The following LDHB variants were observed in gnomAD, a reference collection of about 807,000 sequenced individuals.
The protein encoded by LDHB is lactate dehydrogenase B, also known as L-lactate dehydrogenase B chain.
In LDHB, 18 loss-of-function variants were observed where a neutral mutation model predicts 33.4. The observed-to-expected ratio is 0.54, with a 90% confidence interval of 0.37 to 0.80. LDHB has a LOEUF of 0.80. Ranked by LOEUF, LDHB falls within the 30% of genes least tolerant of loss-of-function variation. LDHB has a pLI of 0.00. For synonymous variants in LDHB, 121 were observed against 140.6 expected (o/e 0.86, Z 0.98); for missense variants, 345 against 407.9 (o/e 0.85, Z 1.33).
chr12:21,639,077 A>G (rs1322469788), intron 5 of LDHB, among the ~76,000 whole-genome samples: 2 of 151,900 alleles, frequency 1.3e-5, no homozygotes, highest in Non-Finnish European at 2.9e-5. Flanking sequence ...AATAGGAGCA[A>G]AAGTGTGGGG....
chr12:21,656,481 AGTTT>A (rs1938847712), intron 1 of LDHB, among the ~76,000 whole-genome samples: 1 of 152,196 alleles, frequency 6.6e-6, no homozygotes, highest in Non-Finnish European at 1.5e-5. Context: ...TCTGCACTTA[AGTTT>A]ATTGTTGTTA....
intron 7 of LDHB, 127 bp from the exon 8 acceptor site, chr12:21,635,836 G>A (rs528934224): frequency 8.2e-5 from 64 of 780,584 alleles, no homozygotes; most frequent in African/African-American, 6.3e-4. Flanking sequence ...CTATGACAGC[G>A]GTACTACTCT....
intron 5 of LDHB, 128 bp from the exon 6 acceptor site, chr12:21,638,598 G>T: frequency 1.4e-6 from 1 of 692,476 alleles, no homozygotes; most frequent in East Asian, 2.7e-5. Flanking sequence ...GCTCCAATAA[G>T]TGACTCTCCA....
rs1938785255 is a variant in LDHB, at chr12:21,654,605, T to C, written c.67A>G (p.Lys23Glu). Residue 23 changes from lysine to glutamate, a missense_variant, in exon 2 of 8, where the codon AAG (lysine) becomes GAG (glutamate). Coordinates refer to ENST00000350669, the MANE Select transcript of LDHB (RefSeq NM_002300.8). ...TGTCCAACACCCACTACAGTGATCTTATTGTTTGGAACTGTTGCCTCTTCT... is the reference window on the plus strand; with the variant it reads ...TGTCCAACACCCACTACAGTGATCTCATTGTTTGGAACTGTTGCCTCTTCT... ...AEEEATVPNN[K>E]ITVVGVGQVG... is the part of the protein sequence containing the mutation. 6.2e-7 allele frequency: 1 copy of C among 1,613,972 alleles called. No homozygotes were observed. Among genetic ancestry groups the C allele is most frequent in the African/African-American group, 1.3e-5 (1 of 74,932 alleles).
chr12:21,636,449 C>T (rs1938219601), intron 7 of LDHB, among the ~76,000 whole-genome samples: 1 of 151,262 alleles, frequency 6.6e-6, no homozygotes, highest in South Asian at 2.1e-4. Flanking sequence ...TTAAACATAC[C>T]TTAATGTCAG....
chr12:21,637,213 G>T lies in LDHB; in HGVS notation c.714-19C>A. On this transcript the variant is annotated intron_variant, in intron 6 of 7. Transcript: ENST00000350669. ...ATAGGCACTTAAAAAAATTATAAAAGACATCACTGAAATAAGACTCAATCA... is the reference window on the plus strand; with the variant it reads ...ATAGGCACTTAAAAAAATTATAAAATACATCACTGAAATAAGACTCAATCA... The T allele has an allele frequency of 6.4e-7, 1 of 1,564,756 alleles. No individual in the cohort carries two copies. The highest frequency in any genetic ancestry group is 8.8e-7 in the Non-Finnish European group (1 of 1,139,176).
chr12:21,647,561 A>G (rs551188408), intron 2 of LDHB, among the ~76,000 whole-genome samples: 6 of 152,066 alleles, frequency 3.9e-5, no homozygotes, highest in South Asian at 2.1e-4. Context: ...GATCACTCCA[A>G]ATCTGTGCCT....
intron 6 of LDHB, 94 bp from the exon 7 acceptor site, chr12:21,637,288 T>C: frequency 6.3e-6 from 6 of 954,878 alleles, no homozygotes; most frequent in Non-Finnish European, 1.0e-5. Flanking sequence ...CTAACTATAA[T>C]CTTGGGCAAA....
chr12:21,635,475 A>T lies in LDHB; in HGVS notation c.*67T>A. On this transcript the variant is annotated 3_prime_UTR_variant, in exon 8 of 8. Coordinates refer to ENST00000350669, the MANE Select transcript of LDHB (RefSeq NM_002300.8). Reference sequence around the variant, plus strand: ...AGCAAACTGTGATCCATGTACATGGATGAAAACTAAAGGCTCGAGTTAATC... The same window carrying T: ...AGCAAACTGTGATCCATGTACATGGTTGAAAACTAAAGGCTCGAGTTAATC... 1 of 1,312,226 alleles carries T rather than the reference A, an allele frequency of 7.6e-7. No homozygotes were observed. Among genetic ancestry groups the T allele is most frequent in the Non-Finnish European group, 1.1e-6 (1 of 907,044 alleles). 81.3% of individuals were successfully genotyped at this position (1,312,226 alleles called of 1,614,324 possible).
chr12:21,654,366 T>C (rs1369007807), intron 2 of LDHB, 177 bp downstream of exon 2: 2 of 624,752 alleles, frequency 3.2e-6, no homozygotes, highest in Non-Finnish European at 5.6e-6. Flanking sequence ...GAGAATATAA[T>C]TCTTTTAGGA....
intron 2 of LDHB, among the ~76,000 whole-genome samples, chr12:21,648,918 G>A (rs562513136): frequency 3.9e-4 from 59 of 152,270 alleles, no homozygotes; most frequent in Middle Eastern, 6.8e-3. Context: ...TGGGGATCAC[G>A]TACAAAACAT....
rs200371155 is a variant in LDHB, at chr12:21,647,017, CTG to C, written c.130-3_130-2del. 1.9e-3 allele frequency: 3,073 copies of C among 1,603,644 alleles called. 83 individuals carry two copies. In the Admixed American group the frequency reaches 0.041, roughly 22 times the overall value. ...CAAGAGCAAGTTCATCAGCCAGAGA[CTG>C]TAAACGCAAAAACAGGCATTAGAAC... On this transcript the variant is annotated splice_acceptor_variant and splice_polypyrimidine_tract_variant and intron_variant, in intron 2 of 7. Coordinates refer to ENST00000350669, the MANE Select transcript of LDHB (RefSeq NM_002300.8). LOFTEE classifies it high-confidence loss of function.
rs1230591768 is a variant in LDHB at position 21,635,859 on chromosome 12, AC to A, written c.838-151del. The A allele has an allele frequency of 7.0e-6, 5 of 718,018 alleles. 1 individual carries two copies. In the East Asian group the frequency reaches 1.3e-4, roughly 19 times the overall value. The allele number at this position is 718,018 out of a possible 1,614,324, so 44.5% of individuals were successfully genotyped here. A position where few individuals can be genotyped will look rare whatever the true frequency, so the allele number is the denominator to read the frequency against. On this transcript the variant is annotated intron_variant, in intron 7 of 7. Coordinates refer to ENST00000350669, the MANE Select transcript of LDHB (RefSeq NM_002300.8). ...GCGGTACTACTCTCCAGCCTGGGTGACAGAGCAAGAACTAATCTCTAAAGGG... is the reference window on the plus strand; with the variant it reads ...GCGGTACTACTCTCCAGCCTGGGTGAAGAGCAAGAACTAATCTCTAAAGGG...
intron 2 of LDHB, 76 bp from the exon 3 acceptor site, chr12:21,647,092 G>T: frequency 1.2e-6 from 1 of 826,870 alleles, no homozygotes; most frequent in South Asian, 1.4e-5. Context: ...CCCAAAGAAA[G>T]ATCTTTAACA....
At chr12:21,638,618 A>T in intron 5 of LDHB, 148 bp from the exon 6 acceptor site, 2 of 634,944 alleles carry the variant, frequency 3.1e-6, no homozygotes, top group Non-Finnish European at 5.5e-6. Flanking sequence ...AGTAGATTCC[A>T]GTATAGTTCC....
At chr12:21,643,221 A>C (rs1459532792) in intron 4 of LDHB, among the ~76,000 whole-genome samples, 1 of 152,236 alleles carries the variant, frequency 6.6e-6, no homozygotes, top group Non-Finnish European at 1.5e-5. Context: ...GGGAAGTGTG[A>C]GAGATAATCA....
chr12:21,643,757 T>C (rs1194856234), intron 4 of LDHB, 178 bp downstream of exon 4: 2 of 583,854 alleles, frequency 3.4e-6, no homozygotes, highest in Non-Finnish European at 3.0e-6. Flanking sequence ...TTTTTGAACA[T>C]CTGGCCTGGG....
chr12:21,644,133 G>T, intron 3 of LDHB, 25 bp from the exon 4 acceptor site: 1 of 1,546,288 alleles, frequency 6.5e-7, no homozygotes, highest in African/African-American at 1.4e-5. Flanking sequence ...GCAAAAACAG[G>T]TACTTTAAAT....
chr12:21,637,626 T>A (rs1468724232), intron 6 of LDHB, among the ~76,000 whole-genome samples: 6 of 152,068 alleles, frequency 3.9e-5, no homozygotes, highest in Non-Finnish European at 7.4e-5. Context: ...GATAAGAGTA[T>A]CTTGCCTGAC....
Sources: gnomAD v4.1 joint callset for allele counts (sites outside exome capture counted in the v4.1 genomes callset) on GRCh38, gnomAD v4.1.1 for gene constraint, MANE v1.5 for transcripts, NCBI Gene and HGNC (gene_info 2026-07-23, HGNC 2026-07-21) for gene names.